The following SPEF2 variants were observed in gnomAD, a reference collection of about 807,000 sequenced individuals.
SPEF2 encodes sperm flagellar and cilia associated 2.
SPEF2 carries 187 observed loss-of-function variants against 224.6 expected under a neutral mutation model. The ratio of observed to expected loss-of-function variants is 0.83; its 90% CI spans 0.74 to 0.94. The LOEUF is 0.94. Among genes scored for constraint, SPEF2 ranks in the 40% least tolerant of loss-of-function variants. The pLI, the probability that SPEF2 is intolerant of heterozygous loss-of-function variation, is 0.00. For missense variants in SPEF2, 2,170 were observed against 2,135.6 expected (o/e 1.02, Z -0.32); for synonymous variants, 715 against 707.3 (o/e 1.01, Z -0.17).
chr5:35,773,332 A>T (rs1753135073), intron 27 of SPEF2, among the ~76,000 whole-genome samples: 1 of 152,192 alleles, frequency 6.6e-6, no homozygotes, highest in Non-Finnish European at 1.5e-5. Context: ...TTGAACCATG[A>T]GCATGCAACT....
intron 33 of SPEF2, among the ~76,000 whole-genome samples, chr5:35,798,843 C>A (rs114269535): frequency 0.01 from 1,561 of 152,230 alleles, 33 homozygotes; most frequent in African/African-American, 0.035. Context: ...GTGATCTGCC[C>A]ATCTTGGCCA....
At chr5:35,685,743 T>A (rs535131034) in intron 10 of SPEF2, among the ~76,000 whole-genome samples, 1 of 152,084 alleles carries the variant, frequency 6.6e-6, no homozygotes, top group South Asian at 2.1e-4. Context: ...GAAAAAAATG[T>A]CTTTCAAATT....
intron 19 of SPEF2, chr5:35,709,887 T>C (rs1036528505): frequency 1.0e-6 from 1 of 985,446 alleles, no homozygotes; most frequent in Non-Finnish European, 1.2e-6. Context: ...AATGGCTGAC[T>C]GTGCAGTTAC....
At position 35,628,501 on chromosome 5, in the gene SPEF2, C is replaced by G; in HGVS notation, c.100C>G (p.Leu34Val). Residue 34 changes from leucine (L) to valine (V), a missense_variant, in exon 2 of 37, where the codon CTT (leucine) becomes GTT (valine). Leu to Val is a conservative substitution (Grantham distance 32). Transcript: ENST00000356031. ...AAAGGCATTTTCCAGTGGCTATCTA[C>G]TTGGAGAAGTTCTACACAAGTTTGA... ...FAKAFSSGYL[L>V]GEVLHKFELQ... The G allele has an allele frequency of 8.7e-6, 14 of 1,614,008 alleles. No homozygotes were observed. The highest frequency in any genetic ancestry group is 1.2e-5 in the Non-Finnish European group (14 of 1,179,952).
At chr5:35,629,392 C>T (rs1580026968) in intron 2 of SPEF2, among the ~76,000 whole-genome samples, 2 of 151,768 alleles carry the variant, frequency 1.3e-5, no homozygotes, top group South Asian at 2.1e-4. Context: ...CTCCTGACCT[C>T]GTGATCCACT....
At chr5:35,633,900 A>C (rs1309238376) in intron 2 of SPEF2, among the ~76,000 whole-genome samples, 4 of 152,086 alleles carry the variant, frequency 2.6e-5, no homozygotes, top group African/African-American at 4.8e-5. Context: ...TTAGTAAAGA[A>C]AAAAATTTGC....
At chr5:35,783,250 G>T (rs1274892241) in intron 30 of SPEF2, among the ~76,000 whole-genome samples, 1 of 152,190 alleles carries the variant, frequency 6.6e-6, no homozygotes, top group Non-Finnish European at 1.5e-5. Flanking sequence ...CTCAGTCTAT[G>T]ATGGGATGGC....
chr5:35,641,790 C>A, intron 3 of SPEF2, 107 bp downstream of exon 3: 1 of 1,185,924 alleles, frequency 8.4e-7, no homozygotes, highest in East Asian at 2.4e-5. Context: ...CATATATATC[C>A]TTTATGTATG....
intron 31 of SPEF2, 36 bp from the exon 32 acceptor site, chr5:35,793,123 G>C (rs1335570475): frequency 1.3e-6 from 2 of 1,577,676 alleles, no homozygotes; most frequent in East Asian, 4.5e-5. Context: ...ATAGATTCAT[G>C]TAGATATTCC....
chr5:35,807,069 ATTT>A, intron 35 of SPEF2, 59 bp from the exon 36 acceptor site: 1 of 1,568,512 alleles, frequency 6.4e-7, no homozygotes, highest in Non-Finnish European at 8.6e-7. Context: ...AAATACAACC[ATTT>A]TTTTTAACAT....
intron 10 of SPEF2, chr5:35,675,462 C>T (rs1751833322): frequency 6.6e-6 from 1 of 152,364 alleles, no homozygotes; most frequent in Admixed American, 6.5e-5. Flanking sequence ...CCCTAAATTC[C>T]TTCACTAATG....
chr5:35,692,498 C>T, intron 11 of SPEF2, 72 bp from the exon 12 acceptor site: 1 of 1,228,218 alleles, frequency 8.1e-7, no homozygotes. Flanking sequence ...TAGGACAAAA[C>T]CAGCACATAA....
chr5:35,739,989 T>C lies in SPEF2; in HGVS notation c.3134T>C (p.Val1045Ala). 6.2e-7 allele frequency: 1 copy of C among 1,614,132 alleles called. No homozygotes were observed. The highest frequency in any genetic ancestry group is 1.1e-5 in the South Asian group (1 of 91,080). Residue 1045 changes from valine (V) to alanine (A), a missense_variant, in exon 22 of 37, where the codon GTA becomes GCA. Val to Ala is a moderately conservative substitution (Grantham distance 64). Coordinates refer to ENST00000356031, the MANE Select transcript of SPEF2 (RefSeq NM_024867.4). ...ENSYINTIKT[V>A]LRHLREDQHT... ...TCCTATATAAACACCATCAAAACAG[T>C]ACTCAGGCATCTGAGGGAAGACCAG...
At chr5:35,618,144 G>C in intron 1 of SPEF2, 89 bp downstream of exon 1, 1 of 1,433,988 alleles carries the variant, frequency 7.0e-7, no homozygotes, top group South Asian at 1.2e-5. Context: ...GGAAGGTGGC[G>C]GGCAGGGCGC....
At chr5:35,807,505 A>G (rs1758226131) in intron 36 of SPEF2, 1 of 945,584 alleles carries the variant, frequency 1.1e-6, no homozygotes, top group African/African-American at 1.6e-5. Context: ...TAGGATTGTC[A>G]TTGTAGCCAT....
intron 10 of SPEF2, 119 bp from the exon 11 acceptor site, chr5:35,690,918 A>T: frequency 1.5e-6 from 1 of 662,998 alleles, no homozygotes; most frequent in Non-Finnish European, 2.5e-6. Flanking sequence ...TAATATAATT[A>T]AAGTATTCAT....
At chr5:35,749,967 T>G (rs1180835490) in intron 23 of SPEF2, among the ~76,000 whole-genome samples, 1 of 152,036 alleles carries the variant, frequency 6.6e-6, no homozygotes, top group African/African-American at 2.4e-5. Context: ...TATAAGGCCA[T>G]AGTAACCAAA....
In SPEF2 at chr5:35,700,541, G is replaced by T; in HGVS notation, c.2187G>T (p.Met729Ile). Reference protein sequence around the residue: ...NQDCILDGFPMTLNQAQLLEE... With the variant: ...NQDCILDGFPITLNQAQLLEE... ...ACTGTATCCTAGATGGTTTTCCAAT[G>T]ACTTTAAACCAAGCACAGCTTCTGG... Residue 729 changes from methionine (M) to isoleucine (I), a missense_variant, in exon 16 of 37, where the codon ATG (methionine) becomes ATT (isoleucine). Coordinates refer to ENST00000356031, the MANE Select transcript of SPEF2 (RefSeq NM_024867.4). 1 of 1,613,544 alleles carries T rather than the reference G, an allele frequency of 6.2e-7. No homozygotes were observed. Among genetic ancestry groups the T allele is most frequent in the Non-Finnish European group, 8.5e-7 (1 of 1,179,848 alleles).
chr5:35,633,935 C>T (rs1246470922), intron 2 of SPEF2, among the ~76,000 whole-genome samples: 2 of 152,012 alleles, frequency 1.3e-5, no homozygotes, highest in East Asian at 1.9e-4. Context: ...GTTGTCTCCT[C>T]CTTTTTTGTG....
Sources: gnomAD v4.1 joint callset for allele counts (sites outside exome capture counted in the v4.1 genomes callset) on GRCh38, gnomAD v4.1.1 for gene constraint, MANE v1.5 for transcripts, NCBI Gene and HGNC (gene_info 2026-07-23, HGNC 2026-07-21) for gene names.